MYO1D: variants seen among roughly 807,000 people sequenced by gnomAD.
MYO1D encodes unconventional myosin-Id.
A neutral mutation model predicts 122.0 loss-of-function variants in MYO1D; 83 were observed. The ratio of observed to expected loss-of-function variants is 0.68; its 90% CI spans 0.57 to 0.82. The LOEUF (loss-of-function observed/expected upper bound fraction) is 0.82. Ranked by LOEUF, MYO1D falls within the 40% of genes least tolerant of loss-of-function variation. The pLI is 0.00. For missense variants in MYO1D, 1,157 were observed against 1,269.5 expected (o/e 0.91, Z 1.35); for synonymous variants, 464 against 446.9 (o/e 1.04, Z -0.48).
chr17:32,544,558 T>G (rs1557668), intron 21 of MYO1D, among the ~76,000 whole-genome samples: 16,086 of 152,258 alleles, frequency 0.11, 2,529 homozygotes, highest in African/African-American at 0.34. Flanking sequence ...CCACGTCTTA[T>G]GAAGGTACTC....
chr17:32,518,963 C>A (rs1909999087), intron 21 of MYO1D: 1 of 152,270 alleles, frequency 6.6e-6, no homozygotes, highest in African/African-American at 2.4e-5. Context: ...ATGTGCGCCC[C>A]GCCTCGCTGC....
chr17:32,560,848 G>A (rs1478216956), intron 21 of MYO1D, among the ~76,000 whole-genome samples: 1 of 150,154 alleles, frequency 6.7e-6, no homozygotes. Flanking sequence ...TCAAATTCCC[G>A]ATCTCGTGAT....
intron 21 of MYO1D, chr17:32,519,329 C>G (rs1014568632): frequency 6.6e-6 from 1 of 152,414 alleles, no homozygotes; most frequent in African/African-American, 2.4e-5. Flanking sequence ...CGGGCACCTG[C>G]AGCGGGAGCG....
rs59039699 is a variant in MYO1D at position 32,801,036 on chromosome 17, C to T, written c.96-20252G>A. On this transcript the variant is annotated intron_variant, in intron 1 of 21. Transcript: ENST00000318217. ...AATTATTTGTAAATTAAAAATAAAA[C>T]AAGAAAAAAAGGAAAGTGCCTGTCC... Among the ~76,000 whole-genome samples the T allele has an allele frequency of 2.3e-3, 342 of 151,980 alleles. 1 individual carries two copies. Among genetic ancestry groups the T allele is most frequent in the African/African-American group, 7.7e-3 (321 of 41,480 alleles).
intron 1 of MYO1D, among the ~76,000 whole-genome samples, chr17:32,818,448 C>T (rs1435855281): frequency 3.3e-5 from 5 of 152,148 alleles, no homozygotes; most frequent in Non-Finnish European, 4.4e-5. Context: ...GACACTGCAA[C>T]GGAGGCAGAT....
intron 8 of MYO1D, among the ~76,000 whole-genome samples, chr17:32,762,925 A>G (rs2090016924): frequency 6.6e-6 from 1 of 151,438 alleles, no homozygotes; most frequent in Non-Finnish European, 1.5e-5. Context: ...GCGGTGGCTC[A>G]CACCTAATCC....
At chr17:32,757,157 T>C (rs948574909) in intron 10 of MYO1D, among the ~76,000 whole-genome samples, 1 of 152,180 alleles carries the variant, frequency 6.6e-6, no homozygotes, top group Admixed American at 6.6e-5. Context: ...GCCAGTTATT[T>C]GTACATGGCT....
intron 21 of MYO1D, among the ~76,000 whole-genome samples, chr17:32,519,617 C>G (rs1216571310): frequency 4.6e-5 from 7 of 151,710 alleles, no homozygotes; most frequent in Non-Finnish European, 1.5e-5. Flanking sequence ...CCCGCAGCCC[C>G]GGCCGGCCGC....
chr17:32,803,991 T>C (rs1164145712), intron 1 of MYO1D, among the ~76,000 whole-genome samples: 1 of 152,230 alleles, frequency 6.6e-6, no homozygotes, highest in Non-Finnish European at 1.5e-5. Flanking sequence ...AAAGGCTGAA[T>C]GGAAGATTTA....
At chr17:32,631,981 A>G (rs1172647114) in intron 20 of MYO1D, among the ~76,000 whole-genome samples, 2 of 152,238 alleles carry the variant, frequency 1.3e-5, no homozygotes, top group Non-Finnish European at 2.9e-5. Flanking sequence ...CTGAGGGAAC[A>G]GAATGCTCTT....
intron 21 of MYO1D, among the ~76,000 whole-genome samples, chr17:32,539,686 G>T (rs1910780227): frequency 6.6e-6 from 1 of 152,074 alleles, no homozygotes; most frequent in Admixed American, 6.6e-5. Context: ...GCCACGTAGG[G>T]CTCACCTGAA....
chr17:32,563,200 TTC>T (rs201518647), intron 21 of MYO1D, among the ~76,000 whole-genome samples: 2,698 of 132,432 alleles, frequency 0.02, 446 homozygotes, highest in Middle Eastern at 0.05. Context: ...TCTTTTTTTC[TTC>T]TCTCTTTTTT....
chr17:32,498,670 T>C (rs542212466), intron 21 of MYO1D: 1 of 152,210 alleles, frequency 6.6e-6, no homozygotes, highest in South Asian at 2.1e-4. Flanking sequence ...TGTGAAGGAC[T>C]GTGTGTAAAA....
At chr17:32,680,980 G>GA (rs2088906941) in intron 16 of MYO1D, among the ~76,000 whole-genome samples, 1 of 152,132 alleles carries the variant, frequency 6.6e-6, no homozygotes, top group Non-Finnish European at 1.5e-5. Flanking sequence ...TTAGTCTTGG[G>GA]AGAGTGTATG....
chr17:32,762,680 C>T (rs949943583), intron 8 of MYO1D, among the ~76,000 whole-genome samples: 23 of 152,162 alleles, frequency 1.5e-4, no homozygotes, highest in African/African-American at 5.5e-4. Flanking sequence ...TTGAGACCAG[C>T]CTGGCCAACA....
intron 19 of MYO1D, among the ~76,000 whole-genome samples, chr17:32,652,040 T>C (rs947841438): frequency 8.5e-5 from 13 of 152,182 alleles, no homozygotes; most frequent in Non-Finnish European, 1.5e-4. Flanking sequence ...TACCTATTGA[T>C]ATATATTCAC....
chr17:32,670,332 G>A (rs1597990565), intron 16 of MYO1D, among the ~76,000 whole-genome samples: 1 of 151,978 alleles, frequency 6.6e-6, no homozygotes, highest in African/African-American at 2.4e-5. Context: ...AAATATTTAG[G>A]GGTAAAGGGT....
At chr17:32,632,303 G>T (rs1434237621) in intron 20 of MYO1D, 7 of 151,832 alleles carry the variant, frequency 4.6e-5, no homozygotes, top group Admixed American at 4.6e-4. Flanking sequence ...CTATAGACAT[G>T]TTTTTTTTAT....
At position 32,627,021 on chromosome 17, in the gene MYO1D, G is replaced by T. The variant is rs138076454; in HGVS notation, c.2709+11701C>A. 4.0e-3 allele frequency among the ~76,000 whole-genome samples: 605 copies of T among 152,180 alleles called. 4 individuals carry two copies. Among genetic ancestry groups the T allele is most frequent in the African/African-American group, 0.014 (588 of 41,532 alleles). On this transcript the variant is annotated intron_variant, in intron 20 of 21. Coordinates refer to ENST00000318217, the MANE Select transcript of MYO1D (RefSeq NM_015194.3). ...ATAGACATTACTTTTTTTCTAAGAA[G>T]AGAGGTTTCCAAATATCTAATTTTG...
Sources: gnomAD v4.1 joint callset for allele counts (sites outside exome capture counted in the v4.1 genomes callset) on GRCh38, gnomAD v4.1.1 for gene constraint, MANE v1.5 for transcripts, NCBI Gene and HGNC (gene_info 2026-07-23, HGNC 2026-07-21) for gene names.